Variants in ADAMTS16 observed in about 807,000 individuals in gnomAD.
ADAMTS16 encodes the protein ADAM metallopeptidase with thrombospondin type 1 motif 16.
A neutral mutation model predicts 145.8 loss-of-function variants in ADAMTS16; 94 were observed. The observed-to-expected ratio is 0.64, with a 90% CI of 0.55 to 0.77. The LOEUF (loss-of-function observed/expected upper bound fraction) is 0.77. ADAMTS16 is among the 30% of genes least tolerant of loss of function. ADAMTS16 has a pLI of 0.00. For synonymous variants in ADAMTS16, 659 were observed against 604.3 expected, an observed-to-expected ratio of 1.09 and a Z score of -1.33; for missense variants, 1,585 against 1,591.5, an observed-to-expected ratio of 1.00 and a Z score of 0.07.
rs115025063 is a variant in ADAMTS16, at chr5:5,247,611, C to G, written c.2662+5420C>G. Among the ~76,000 whole-genome samples, 545 of 152,346 alleles carry G rather than the reference C, an allele frequency of 3.6e-3. 5 individuals carry two copies. The highest frequency in any genetic ancestry group is 0.013 in the African/African-American group (522 of 41,570). ...ACTCATCAGGGGTGCCGGGGTCCCT[C>G]CCACGTTCCCACTACGTGGCCATGG... On this transcript the variant is annotated intron_variant, in intron 17 of 22. Coordinates refer to ENST00000274181, the MANE Select transcript of ADAMTS16 (RefSeq NM_139056.4).
In ADAMTS16 at chr5:5,200,919, A is replaced by C. The variant is rs181039984; in HGVS notation, c.1451+650A>C. Among the ~76,000 whole-genome samples, 26 of 152,304 alleles carry C rather than the reference A, an allele frequency of 1.7e-4. 1 individual carries two copies. The highest frequency in any genetic ancestry group is 5.8e-4 in the African/African-American group (24 of 41,566). The stretch of plus-strand genomic sequence containing the variant: ...ATCCTTGAAAAATAGTAGATTTGAA[A>C]ATTTCAGAGAAATGAGGAACTTTAT... On this transcript the variant is annotated intron_variant, in intron 9 of 22. Transcript: ENST00000274181.
rs988376603 is a variant in ADAMTS16, at chr5:5,310,238, C to T, written c.3411+3510C>T. Reference sequence around the variant, plus strand: ...TGTCTCTCCTCTCATGTCCACCATCCTCCAGCTCGTAGGACCCCACCCACA... The same window carrying T: ...TGTCTCTCCTCTCATGTCCACCATCTTCCAGCTCGTAGGACCCCACCCACA... On this transcript the variant is annotated intron_variant, in intron 21 of 22. Transcript: ENST00000274181. This position sits in a 1 kb window ranked among gnomAD's most constrained non-coding sequence, Gnocchi z 4.3. Among the ~76,000 whole-genome samples the T allele has an allele frequency of 1.3e-5, 2 of 152,122 alleles. No individual in the cohort carries two copies. Among genetic ancestry groups the T allele is most frequent in the African/African-American group, 4.8e-5 (2 of 41,422 alleles).
chr5:5,198,800 G>A (rs925167983), intron 8 of ADAMTS16, among the ~76,000 whole-genome samples: 1 of 152,182 alleles, frequency 6.6e-6, no homozygotes, highest in African/African-American at 2.4e-5. Context: ...ACCTTTTGGA[G>A]CTGACTTTCC....
At chr5:5,187,514 T>C (rs1735537169) in intron 5 of ADAMTS16, among the ~76,000 whole-genome samples, 2 of 152,218 alleles carry the variant, frequency 1.3e-5, no homozygotes, top group African/African-American at 2.4e-5. Context: ...GATCCTTTCT[T>C]AGGTGTTTGA....
Position 5,303,732 on chromosome 5 carries a change from A to G in ADAMTS16, c.3152A>G (p.Lys1051Arg). Residue 1051 changes from lysine (K) to arginine (R), a missense_variant, in exon 20 of 23, where the codon AAG (lysine) becomes AGG (arginine). Physicochemically the swap from Lys to Arg is conservative, Grantham distance 26. Transcript: ENST00000274181. The stretch of plus-strand genomic sequence containing the variant: ...CTGCTTCAGCGCTGCCACAAGCCCA[A>G]GAAGCTGCAGTGGCTGGTGTCCGCC... ...ACLLQRCHKP[K>R]KLQWLVSAWS... 4 of 1,613,330 alleles carry G rather than the reference A, an allele frequency of 2.5e-6. No homozygotes were observed. Among genetic ancestry groups the G allele is most frequent in the South Asian group, 1.1e-5 (1 of 91,040 alleles).
At chr5:5,222,335 G>A (rs1291842227) in intron 10 of ADAMTS16, among the ~76,000 whole-genome samples, 7 of 151,844 alleles carry the variant, frequency 4.6e-5, no homozygotes, top group Admixed American at 1.3e-4. Context: ...ATGGATGGAT[G>A]GATGGATGGA....
At chr5:5,176,036 G>A (rs570843801) in intron 3 of ADAMTS16, 3 of 152,144 alleles carry the variant, frequency 2.0e-5, no homozygotes, top group South Asian at 2.1e-4. Flanking sequence ...TGTGTGGATG[G>A]TTGTCCAATC....
At position 5,161,822 on chromosome 5, in the gene ADAMTS16, T is replaced by A. The variant is rs74417707; in HGVS notation, c.501+15367T>A. 3.2e-4 allele frequency among the ~76,000 whole-genome samples: 49 copies of A among 152,288 alleles called. No individual in the cohort carries two copies. The East Asian group carries it at 8.9e-3, about 28-fold the overall frequency. ...CTTTGACCTGCTTCATTTATGTGGG[T>A]CTTCAGAAATGGTTCTTCTGCTCCC... is the stretch of plus-strand genomic sequence containing the variant. On this transcript the variant is annotated intron_variant, in intron 3 of 22. Transcript: ENST00000274181.
In ADAMTS16 at chr5:5,306,580, G is replaced by T; in HGVS notation, c.3263G>T (p.Arg1088Leu). 2.5e-6 allele frequency: 4 copies of T among 1,614,148 alleles called. No homozygotes were observed. The highest frequency in any genetic ancestry group is 3.4e-6 in the Non-Finnish European group (4 of 1,180,042). ...CAEKYVSGKY[R>L]ELASKKCSHL... ...GAAAAGTATGTTTCTGGAAAGTATC[G>T]AGAGCTGGCCTCAAAGAAGTGCTCA... Residue 1088 changes from arginine to leucine, a missense_variant, in exon 21 of 23, where the codon CGA becomes CTA. This residue lies in a region of ADAMTS16 where 834 missense variants were observed against 811.7 expected (regional missense o/e 1.03). Transcript: ENST00000274181.
intron 3 of ADAMTS16, among the ~76,000 whole-genome samples, chr5:5,175,413 C>T (rs1735164891): frequency 6.6e-6 from 1 of 152,146 alleles, no homozygotes; most frequent in Admixed American, 6.5e-5. Flanking sequence ...ACTTTTTTCT[C>T]CTCTCCTCAA....
chr5:5,298,940 G>T (rs1739656999), intron 18 of ADAMTS16, among the ~76,000 whole-genome samples: 2 of 152,092 alleles, frequency 1.3e-5, no homozygotes, highest in South Asian at 4.1e-4. Context: ...ACAGCAGCTT[G>T]CGGAAGTCAG....
intron 3 of ADAMTS16, among the ~76,000 whole-genome samples, chr5:5,149,395 A>G (rs1376859170): frequency 1.3e-5 from 2 of 152,214 alleles, no homozygotes; most frequent in African/African-American, 4.8e-5. Context: ...GCTAGTTATA[A>G]GTAAGAGACA....
chr5:5,307,298 G>A (rs1270786619), intron 21 of ADAMTS16, among the ~76,000 whole-genome samples: 1 of 152,152 alleles, frequency 6.6e-6, no homozygotes, highest in Non-Finnish European at 1.5e-5. Context: ...GCTGACACTC[G>A]GTTCTCTGCA....
In ADAMTS16 at chr5:5,235,193, C is replaced by A. The variant is rs763858232; in HGVS notation, c.2023+7C>A. The A allele has an allele frequency of 1.1e-5, 17 of 1,558,062 alleles. No individual in the cohort carries two copies. The highest frequency in any genetic ancestry group is 1.4e-5 in the Non-Finnish European group (16 of 1,140,856). On this transcript the variant is annotated splice_region_variant and intron_variant, in intron 13 of 22. Coordinates refer to ENST00000274181, the MANE Select transcript of ADAMTS16 (RefSeq NM_139056.4). ...CCTTACACTCAAGTAGAAGGTAAAT[C>A]TCAAACTGCTTTCGGGTAATAGCCT...
At chr5:5,220,903 T>C (rs1439834663) in intron 10 of ADAMTS16, among the ~76,000 whole-genome samples, 1 of 152,054 alleles carries the variant, frequency 6.6e-6, no homozygotes, top group African/African-American at 2.4e-5. Context: ...GCTTTCACCC[T>C]CATTCATTCA....
At chr5:5,183,399 G>A (rs746250565) in intron 4 of ADAMTS16, among the ~76,000 whole-genome samples, 3 of 152,234 alleles carry the variant, frequency 2.0e-5, no homozygotes, top group African/African-American at 2.4e-5. Flanking sequence ...GATGCGTGGC[G>A]GAGGCTTCCC....
chr5:5,319,217 C>G lies in ADAMTS16; in HGVS notation c.*79C>G. The G allele has an allele frequency of 9.6e-7, 1 of 1,046,338 alleles. No homozygotes were observed. The highest frequency in any genetic ancestry group is 1.4e-6 in the Non-Finnish European group (1 of 694,472). The allele number at this position is 1,046,338 out of a possible 1,614,324, so 64.8% of individuals were successfully genotyped here. The stretch of plus-strand genomic sequence containing the variant: ...CACAAATGAGCTGTGCAATCTACGT[C>G]GGAATACATCCAAGGAAGAGCAAAG... On this transcript the variant is annotated 3_prime_UTR_variant, in exon 23 of 23. Coordinates refer to ENST00000274181, the MANE Select transcript of ADAMTS16 (RefSeq NM_139056.4).
intron 3 of ADAMTS16, among the ~76,000 whole-genome samples, chr5:5,176,571 G>A (rs1379344507): frequency 6.6e-6 from 1 of 152,044 alleles, no homozygotes; most frequent in Non-Finnish European, 1.5e-5. Flanking sequence ...TCTCAGTGTT[G>A]TACCCTTGAG....
At chr5:5,168,682 A>T (rs1473465657) in intron 3 of ADAMTS16, among the ~76,000 whole-genome samples, 3 of 17,776 alleles carry the variant, frequency 1.7e-4, no homozygotes, top group Non-Finnish European at 2.2e-4. Context: ...AATTATAATT[A>T]TATAATTATA....
Sources: allele counts gnomAD v4.1 joint callset (sites outside exome capture counted in the v4.1 genomes callset), GRCh38; gene constraint gnomAD v4.1.1; regional missense constraint gnomAD v4.1.1; non-coding constraint Gnocchi (gnomAD v3.1); transcripts MANE v1.5; gene names NCBI Gene and HGNC (gene_info 2026-07-23, HGNC 2026-07-21).